Variants in JPT2 observed in about 807,000 individuals in gnomAD.
JPT2 encodes Jupiter microtubule associated homolog 2.
JPT2 carries 9 observed loss-of-function variants against 15.9 expected under a neutral mutation model. The observed-to-expected ratio is 0.57, with a 90% CI of 0.34 to 0.99. JPT2 has a LOEUF of 0.99. JPT2 is among the 50% of genes least tolerant of loss of function. The pLI is 0.02. For missense variants in JPT2, 267 were observed against 252.1 expected (o/e 1.06, Z -0.40); for synonymous variants, 95 against 91.7 (o/e 1.04, Z -0.21).
chr16:1,691,816 C>T (rs1567470906), intron 2 of JPT2, 27 bp from the exon 3 acceptor site: 1 of 1,606,050 alleles, frequency 6.2e-7, no homozygotes, highest in Non-Finnish European at 8.5e-7. Context: ...CGTCTGGTTG[C>T]TCAGTGTTCT....
chr16:1,692,858 GA>G (rs2037113823), intron 3 of JPT2, among the ~76,000 whole-genome samples: 1 of 152,156 alleles, frequency 6.6e-6, no homozygotes, highest in Non-Finnish European at 1.5e-5. Context: ...TTAACGCCTA[GA>G]AAACTGCTGC....
chr16:1,682,240 G>A (rs112146482), intron 1 of JPT2, among the ~76,000 whole-genome samples: 50 of 151,990 alleles, frequency 3.3e-4, no homozygotes, highest in Admixed American at 1.4e-3. Context: ...AGCCAAGCAC[G>A]GTGACGCACA....
intron 2 of JPT2, among the ~76,000 whole-genome samples, chr16:1,688,047 A>T (rs143413603): frequency 1.3e-5 from 2 of 152,214 alleles, no homozygotes; most frequent in Admixed American, 6.5e-5. Context: ...CCTGGTTTAG[A>T]TGTTCCATGA....
chr16:1,683,765 CTGTTATTTT>C (rs1227690706), intron 1 of JPT2: 1 of 573,978 alleles, frequency 1.7e-6, no homozygotes, highest in East Asian at 3.0e-5. Context: ...TGAGGAGAAA[CTGTTATTTT>C]TGTTAACCAA....
intron 2 of JPT2, among the ~76,000 whole-genome samples, chr16:1,687,551 C>T (rs1376891347): frequency 6.6e-6 from 1 of 152,144 alleles, no homozygotes; most frequent in South Asian, 2.1e-4. Context: ...GGAGCTGTTC[C>T]TAGAGCACTC....
At chr16:1,683,227 C>T (rs1018114570) in intron 1 of JPT2, among the ~76,000 whole-genome samples, 1 of 152,112 alleles carries the variant, frequency 6.6e-6, no homozygotes, top group South Asian at 2.1e-4. Flanking sequence ...CCGCCCACCT[C>T]GGCCTCCCAA....
At position 1,698,208 on chromosome 16, in the gene JPT2, A is replaced by T. The variant is rs945022878; in HGVS notation, c.385+348A>T. ...GAGAAGAGAGGGGCACAAGAGAGGGATGGAGGATGGGGAGGCGGGTGTCTC... is the reference window on the plus strand; with the variant it reads ...GAGAAGAGAGGGGCACAAGAGAGGGTTGGAGGATGGGGAGGCGGGTGTCTC... On this transcript the variant is annotated intron_variant, in intron 4 of 4. Coordinates refer to ENST00000248098, the MANE Select transcript of JPT2 (RefSeq NM_144570.3). The surrounding 1 kb of genome is among the most constrained non-coding windows in gnomAD (Gnocchi z 4.9). Among the ~76,000 whole-genome samples the T allele has an allele frequency of 1.3e-5, 2 of 152,178 alleles. No homozygotes were observed. Among genetic ancestry groups the T allele is most frequent in the Admixed American group, 6.5e-5 (1 of 15,286 alleles).
intron 3 of JPT2, among the ~76,000 whole-genome samples, chr16:1,694,396 G>A (rs1349869504): frequency 6.6e-6 from 1 of 152,210 alleles, no homozygotes; most frequent in Non-Finnish European, 1.5e-5. Context: ...ACAACATGAC[G>A]AGAATAGAGG....
chr16:1,698,833 A>T lies in JPT2; in HGVS notation c.408A>T (p.Gly136=). 1 of 1,613,568 alleles carries T rather than the reference A, an allele frequency of 6.2e-7. No homozygotes were observed. Among genetic ancestry groups the T allele is most frequent in the Non-Finnish European group, 8.5e-7 (1 of 1,179,814 alleles). The part of the protein sequence containing the change: ...DLKAARSIPA[G]AEPGEKGSAR... ...CAGCTGCAAGGAGCATCCCGGCTGG[A>T]GCAGAGCCAGGTGAGAAAGGCAGCG... is the stretch of plus-strand genomic sequence containing the variant. Residue 136 remains glycine (G), a synonymous_variant, in exon 5 of 5, where the codon GGA becomes GGT. Transcript: ENST00000248098. The surrounding 1 kb of genome is among the most constrained non-coding windows in gnomAD (Gnocchi z 4.9).
chr16:1,683,618 G>C, intron 1 of JPT2: 1 of 1,514,908 alleles, frequency 6.6e-7, no homozygotes. Flanking sequence ...CTTGGTTTCT[G>C]GGGTACAGTA....
chr16:1,682,391 G>C (rs2142219973), intron 1 of JPT2, among the ~76,000 whole-genome samples: 1 of 151,322 alleles, frequency 6.6e-6, no homozygotes, highest in East Asian at 1.9e-4. Flanking sequence ...AATAAAATAG[G>C]CCGGACACAG....
At chr16:1,689,734 A>C (rs921697152) in intron 2 of JPT2, 1 of 152,222 alleles carries the variant, frequency 6.6e-6, no homozygotes, top group African/African-American at 2.4e-5. Context: ...GAGCCAGTGC[A>C]CTTGGACTGT....
rs1567472587 is a variant in JPT2 at position 1,698,733 on chromosome 16, CTT to C, written c.386-74_386-73del. On this transcript the variant is annotated intron_variant, in intron 4 of 4. Coordinates refer to ENST00000248098, the MANE Select transcript of JPT2 (RefSeq NM_144570.3). This position sits in a 1 kb window ranked among gnomAD's most constrained non-coding sequence, Gnocchi z 4.9. The stretch of plus-strand genomic sequence containing the variant: ...TTCTTGCAGGTTGCTCTATGACACA[CTT>C]TTTATTTCCACAGCCTGCCTGTCAG... 3.5e-6 allele frequency: 5 copies of C among 1,442,776 alleles called. No homozygotes were observed. Among genetic ancestry groups the C allele is most frequent in the Non-Finnish European group, 4.6e-6 (5 of 1,076,106 alleles). 89.4% of individuals were successfully genotyped at this position (1,442,776 alleles called of 1,614,324 possible).
At chr16:1,694,570 C>T (rs2037127475) in intron 3 of JPT2, among the ~76,000 whole-genome samples, 1 of 152,214 alleles carries the variant, frequency 6.6e-6, no homozygotes, top group Admixed American at 6.5e-5. Context: ...GCTCTTACTT[C>T]CTGCTCTCAA....
chr16:1,681,357 C>T (rs927197376), intron 1 of JPT2, among the ~76,000 whole-genome samples: 14 of 152,174 alleles, frequency 9.2e-5, no homozygotes, highest in South Asian at 2.1e-4. Context: ...GGCCTGTGTG[C>T]GCCATAATTT....
intron 1 of JPT2, chr16:1,683,718 A>G (rs2037043038): frequency 1.5e-6 from 1 of 669,068 alleles, no homozygotes; most frequent in East Asian, 2.8e-5. Context: ...ATTCACATCC[A>G]GTCACAAGGA....
chr16:1,691,809 C>G, intron 2 of JPT2, 34 bp from the exon 3 acceptor site: 1 of 1,600,126 alleles, frequency 6.2e-7, no homozygotes, highest in Non-Finnish European at 8.5e-7. Context: ...CGGTGGACGT[C>G]TGGTTGCTCA....
chr16:1,679,807 G>A (rs1399932833), intron 1 of JPT2, among the ~76,000 whole-genome samples: 1 of 151,850 alleles, frequency 6.6e-6, no homozygotes, highest in East Asian at 1.9e-4. Flanking sequence ...CTGTAATCCC[G>A]GCACTTGGGG....
intron 1 of JPT2, among the ~76,000 whole-genome samples, chr16:1,679,741 T>G (rs2037005675): frequency 6.7e-6 from 1 of 148,408 alleles, no homozygotes; most frequent in African/African-American, 2.5e-5. Flanking sequence ...TAGGTCAGTA[T>G]TCAGTAATAC....
Sources: gnomAD v4.1 joint callset for allele counts (sites outside exome capture counted in the v4.1 genomes callset) on GRCh38, gnomAD v4.1.1 for gene constraint, Gnocchi (gnomAD v3.1) non-coding constraint, MANE v1.5 for transcripts, NCBI Gene and HGNC (gene_info 2026-07-23, HGNC 2026-07-21) for gene names.